Variants in IKBKB-DT observed in about 807,000 individuals in gnomAD.
IKBKB-DT encodes the protein IKBKB antisense RNA.
intron 3 of IKBKB-DT, among the ~76,000 whole-genome samples, chr8:42,237,029 GT>G (rs1029881225): frequency 6.6e-6 from 1 of 151,054 alleles, no homozygotes; most frequent in African/African-American, 2.4e-5. Context: ...CAATGTAGTT[GT>G]TTTTTTAAAA....
intron 3 of IKBKB-DT, among the ~76,000 whole-genome samples, chr8:42,239,004 G>T (rs1563274083): frequency 2.6e-5 from 4 of 152,088 alleles, no homozygotes; most frequent in African/African-American, 7.2e-5. Context: ...CTGTGAATTG[G>T]TTTTTTCTGT....
At chr8:42,240,278 A>G (rs1806983451) in intron 3 of IKBKB-DT, among the ~76,000 whole-genome samples, 1 of 151,426 alleles carries the variant, frequency 6.6e-6, no homozygotes, top group Non-Finnish European at 1.5e-5. Flanking sequence ...GTTAGTTACA[A>G]CTTTATTAGA....
intron 3 of IKBKB-DT, among the ~76,000 whole-genome samples, chr8:42,255,139 T>C (rs1807181765): frequency 6.6e-6 from 1 of 151,822 alleles, no homozygotes; most frequent in Non-Finnish European, 1.5e-5. Flanking sequence ...ATCTGGGAAG[T>C]GAGGAGTGCC....
intron 2 of IKBKB-DT, among the ~76,000 whole-genome samples, chr8:42,264,368 C>T (rs1807342160): frequency 1.3e-5 from 2 of 151,700 alleles, no homozygotes; most frequent in Admixed American, 6.6e-5. Flanking sequence ...ATTGCCCAGG[C>T]TGGTCTCAAA....
intron 3 of IKBKB-DT, among the ~76,000 whole-genome samples, chr8:42,242,042 C>A (rs528325059): frequency 2.6e-4 from 40 of 152,126 alleles, no homozygotes; most frequent in African/African-American, 8.7e-4. Flanking sequence ...TGGTGAAACC[C>A]CATCTCTACT....
intron 3 of IKBKB-DT, among the ~76,000 whole-genome samples, chr8:42,239,636 T>TATATATATATATATATATATAGATATA: frequency 3.5e-5 from 1 of 28,194 alleles, no homozygotes; most frequent in Admixed American, 6.2e-4. Context: ...ATATATATAT[T>TATATATATATATATATATATAGATATA]TATTTATTTA....
chr8:42,263,396 C>T (rs1807317455), exon 3 of IKBKB-DT: 1 of 152,180 alleles, frequency 6.6e-6, no homozygotes, highest in Admixed American at 6.5e-5. Context: ...CCCAGAGATC[C>T]CATCTGGGTC....
intron 3 of IKBKB-DT, among the ~76,000 whole-genome samples, chr8:42,259,690 G>A (rs1209770538): frequency 1.3e-5 from 2 of 152,032 alleles, no homozygotes; most frequent in African/African-American, 4.8e-5. Flanking sequence ...AATAAAGTAC[G>A]AGTTTAATTG....
chr8:42,256,153 A>C (rs1012081853), intron 3 of IKBKB-DT, among the ~76,000 whole-genome samples: 1 of 152,194 alleles, frequency 6.6e-6, no homozygotes, highest in African/African-American at 2.4e-5. Context: ...TAAATGTTTC[A>C]ATTCTGTTTA....
chr8:42,238,445 A>G (rs1280985581), intron 3 of IKBKB-DT, among the ~76,000 whole-genome samples: 2 of 152,212 alleles, frequency 1.3e-5, no homozygotes, highest in Non-Finnish European at 2.9e-5. Context: ...CTCCTTGTTC[A>G]GGGACTGAAA....
exon 1 of IKBKB-DT, chr8:42,271,094 C>CG (rs1807618401): frequency 4.8e-6 from 2 of 418,512 alleles, no homozygotes; most frequent in African/African-American, 2.1e-5. Context: ...CAGGGTGTAA[C>CG]GGGGGTCATT....
chr8:42,257,508 A>G (rs968892556), intron 3 of IKBKB-DT, among the ~76,000 whole-genome samples: 1 of 152,064 alleles, frequency 6.6e-6, no homozygotes, highest in South Asian at 2.1e-4. Context: ...TCAAAAAAAA[A>G]AAATTAATAA....
intron 2 of IKBKB-DT, chr8:42,263,562 A>C (rs926583974): frequency 4.6e-5 from 7 of 152,244 alleles, no homozygotes; most frequent in African/African-American, 1.7e-4. Flanking sequence ...TACCCAGAGA[A>C]ATGAGTAAAA....
At chr8:42,254,982 T>C (rs1167779694) in intron 3 of IKBKB-DT, among the ~76,000 whole-genome samples, 1 of 150,664 alleles carries the variant, frequency 6.6e-6, no homozygotes, top group Non-Finnish European at 1.5e-5. Context: ...GTCTGGCAAA[T>C]GAGGAGTGCC....
At chr8:42,257,564 C>A (rs987875964) in intron 3 of IKBKB-DT, among the ~76,000 whole-genome samples, 13 of 151,942 alleles carry the variant, frequency 8.6e-5, no homozygotes, top group African/African-American at 2.7e-4. Flanking sequence ...TTTTTAGGGG[C>A]CTTCAGGAAA....
chr8:42,244,296 A>T (rs1187677254), intron 3 of IKBKB-DT, among the ~76,000 whole-genome samples: 1 of 152,178 alleles, frequency 6.6e-6, no homozygotes, highest in Non-Finnish European at 1.5e-5. Context: ...GTAGTCAGTT[A>T]TCCTATTTGG....
intron 3 of IKBKB-DT, among the ~76,000 whole-genome samples, chr8:42,247,533 A>G (rs1271805210): frequency 3.3e-5 from 5 of 152,176 alleles, no homozygotes; most frequent in African/African-American, 9.7e-5. Flanking sequence ...GAGGGAAGAC[A>G]TGATTGGTTT....
intron 3 of IKBKB-DT, among the ~76,000 whole-genome samples, chr8:42,245,147 C>T (rs1318655769): frequency 1.3e-5 from 2 of 152,028 alleles, no homozygotes; most frequent in Admixed American, 1.3e-4. Flanking sequence ...CCCAGCTACT[C>T]AGGAGGCTGA....
intron 3 of IKBKB-DT, chr8:42,255,274 C>T (rs1045568825): frequency 5.3e-5 from 8 of 152,064 alleles, no homozygotes; most frequent in South Asian, 2.1e-4. Context: ...TTCGCATTTT[C>T]GACATTAAAG....
Sources: gnomAD v4.1 joint callset for allele counts (sites outside exome capture counted in the v4.1 genomes callset) on GRCh38, gnomAD v4.1.1 for gene constraint, MANE v1.5 for transcripts, NCBI Gene and HGNC (gene_info 2026-07-23, HGNC 2026-07-21) for gene names.